TOX: variants seen among roughly 807,000 people sequenced by gnomAD.
TOX encodes thymocyte selection-associated high mobility group box protein TOX.
Under a neutral mutation model 53.7 loss-of-function variants are expected in TOX, and 11 were observed. That is an observed-to-expected ratio of 0.20 (90% CI 0.13 to 0.34). The LOEUF is 0.34. Ranked by LOEUF, TOX falls within the 10% of genes least tolerant of loss-of-function variation. The pLI, the probability that TOX is intolerant of heterozygous loss-of-function variation, is 1.00. For synonymous variants in TOX, 225 were observed against 245.3 expected, an observed-to-expected ratio of 0.92 and a Z score of 0.77; for missense variants, 570 against 664.6, an observed-to-expected ratio of 0.86 and a Z score of 1.56.
At chr8:58,832,771 G>T (rs750041103) in intron 5 of TOX, among the ~76,000 whole-genome samples, 8 of 152,152 alleles carry the variant, frequency 5.3e-5, no homozygotes, top group Non-Finnish European at 8.8e-5. Flanking sequence ...TCCCACTTGT[G>T]TCAGATCTGC....
chr8:58,838,699 C>CTTTTTTT (rs35347981), intron 4 of TOX, among the ~76,000 whole-genome samples: 91 of 88,844 alleles, frequency 1.0e-3, no homozygotes, highest in Non-Finnish European at 1.2e-3. Context: ...TTATCCTTGT[C>CTTTTTTT]TTTTTTTTTT....
At chr8:58,927,650 G>C (rs190185790) in intron 3 of TOX, among the ~76,000 whole-genome samples, 4 of 152,188 alleles carry the variant, frequency 2.6e-5, no homozygotes, top group Non-Finnish European at 5.9e-5. Flanking sequence ...AGAACGTCCC[G>C]TGGTACACAG....
chr8:58,886,882 T>C (rs576092431), intron 3 of TOX, among the ~76,000 whole-genome samples: 1 of 151,478 alleles, frequency 6.6e-6, no homozygotes. Context: ...GTACTTTCAA[T>C]GTGTTAAAGG....
At chr8:59,053,988 A>G (rs1803840410) in intron 1 of TOX, among the ~76,000 whole-genome samples, 1 of 152,172 alleles carries the variant, frequency 6.6e-6, no homozygotes, top group Non-Finnish European at 1.5e-5. Context: ...TCTAGAATTA[A>G]TTTTAACTAT....
At chr8:58,833,022 G>A (rs1810488232) in intron 5 of TOX, among the ~76,000 whole-genome samples, 1 of 152,044 alleles carries the variant, frequency 6.6e-6, no homozygotes, top group South Asian at 2.1e-4. Flanking sequence ...TCCACGACAG[G>A]GCTAGCATTT....
intron 5 of TOX, among the ~76,000 whole-genome samples, chr8:58,836,396 T>A (rs1447856222): frequency 6.6e-6 from 1 of 152,192 alleles, no homozygotes; most frequent in Admixed American, 6.5e-5. Flanking sequence ...CAACAATATG[T>A]TAGGTTTCGA....
At chr8:59,063,432 T>TC (rs1445193393) in intron 1 of TOX, among the ~76,000 whole-genome samples, 1 of 149,752 alleles carries the variant, frequency 6.7e-6, no homozygotes, top group African/African-American at 2.5e-5. Context: ...TAGACTTTTT[T>TC]TTTTTTTTTT....
intron 1 of TOX, among the ~76,000 whole-genome samples, chr8:59,084,558 A>G (rs189374952): frequency 6.6e-6 from 1 of 152,274 alleles, no homozygotes; most frequent in Admixed American, 6.5e-5. Flanking sequence ...CACTGATGAA[A>G]TTTTGTCATG....
At chr8:58,814,800 C>A (rs1405678728) in intron 7 of TOX, among the ~76,000 whole-genome samples, 2 of 152,144 alleles carry the variant, frequency 1.3e-5, no homozygotes, top group African/African-American at 4.8e-5. Context: ...GCCAGATATC[C>A]ATTTTTAAAT....
intron 3 of TOX, among the ~76,000 whole-genome samples, chr8:58,899,086 T>C (rs551939316): frequency 2.3e-4 from 35 of 152,312 alleles, no homozygotes; most frequent in Middle Eastern, 3.4e-3. Flanking sequence ...TGGTAGCTCC[T>C]AGGCCTACTT....
At chr8:58,840,392 G>C (rs1371453017) in intron 4 of TOX, among the ~76,000 whole-genome samples, 1 of 152,146 alleles carries the variant, frequency 6.6e-6, no homozygotes, top group Non-Finnish European at 1.5e-5. Context: ...AAATCTGTCA[G>C]AGACTCAGCA....
At chr8:59,060,818 G>T (rs1176363518) in intron 1 of TOX, among the ~76,000 whole-genome samples, 1 of 152,118 alleles carries the variant, frequency 6.6e-6, no homozygotes, top group Non-Finnish European at 1.5e-5. Flanking sequence ...GGAAACCAGG[G>T]CTGACAGAGA....
intron 1 of TOX, among the ~76,000 whole-genome samples, chr8:59,081,951 C>G (rs188263565): frequency 6.6e-6 from 1 of 152,048 alleles, no homozygotes; most frequent in African/African-American, 2.4e-5. Flanking sequence ...TAAAATGGAT[C>G]GTTAAGTACT....
At chr8:58,922,003 A>T (rs946779819) in intron 3 of TOX, among the ~76,000 whole-genome samples, 1 of 152,206 alleles carries the variant, frequency 6.6e-6, no homozygotes, top group African/African-American at 2.4e-5. Flanking sequence ...GTGTATTACT[A>T]TCTTGGTCCC....
chr8:59,088,191 A>G (rs936070846), intron 1 of TOX, among the ~76,000 whole-genome samples: 2 of 152,208 alleles, frequency 1.3e-5, no homozygotes, highest in South Asian at 4.1e-4. Flanking sequence ...CTATGGCTAT[A>G]TCTTAATTCA....
chr8:58,941,681 A>T (rs1334003739), intron 2 of TOX, among the ~76,000 whole-genome samples: 1 of 152,152 alleles, frequency 6.6e-6, no homozygotes, highest in Non-Finnish European at 1.5e-5. Context: ...ATGAACATAG[A>T]TTTCATAATT....
chr8:58,980,870 T>C (rs1813193229), intron 1 of TOX, among the ~76,000 whole-genome samples: 1 of 152,188 alleles, frequency 6.6e-6, no homozygotes, highest in South Asian at 2.1e-4. Flanking sequence ...TGAGAACTCG[T>C]TCCTGCCAGA....
rs1384791340 is a variant in TOX, at chr8:59,118,799, G to A, written c.102+87C>T. The A allele has an allele frequency of 8.5e-6, 9 of 1,065,084 alleles. No homozygotes were observed. Among genetic ancestry groups the A allele is most frequent in the Non-Finnish European group, 1.1e-5 (8 of 755,124 alleles). 66.0% of individuals were successfully genotyped at this position (1,065,084 alleles called of 1,614,324 possible). ...CGCGCCCGGGACCGGCCTCCGCCAAGCCGGCCCCGCCGCGGCCCGGCCACC... is the reference window on the plus strand; with the variant it reads ...CGCGCCCGGGACCGGCCTCCGCCAAACCGGCCCCGCCGCGGCCCGGCCACC... On this transcript the variant is annotated intron_variant, in intron 1 of 8. Coordinates refer to ENST00000361421, the MANE Select transcript of TOX (RefSeq NM_014729.3). This position sits in a 1 kb window ranked among gnomAD's most constrained non-coding sequence, Gnocchi z 4.1.
At chr8:59,003,819 A>G (rs1813739306) in intron 1 of TOX, among the ~76,000 whole-genome samples, 1 of 152,198 alleles carries the variant, frequency 6.6e-6, no homozygotes, top group Middle Eastern at 3.2e-3. Context: ...AAATGCAAAC[A>G]TTTTTTAATT....
Sources: gnomAD v4.1 joint callset for allele counts (sites outside exome capture counted in the v4.1 genomes callset) on GRCh38, gnomAD v4.1.1 for gene constraint, Gnocchi (gnomAD v3.1) non-coding constraint, MANE v1.5 for transcripts, NCBI Gene and HGNC (gene_info 2026-07-23, HGNC 2026-07-21) for gene names.